TMEM178B: variants seen among roughly 807,000 people sequenced by gnomAD.
TMEM178B encodes transmembrane protein 178B.
A neutral mutation model predicts 31.0 loss-of-function variants in TMEM178B; 5 were observed. The ratio of observed to expected loss-of-function variants is 0.16; its 90% CI spans 0.08 to 0.34. The LOEUF is 0.34. TMEM178B is among the 10% of genes least tolerant of loss of function. TMEM178B has a pLI of 1.00. For synonymous variants in TMEM178B, 164 were observed against 164.0 expected (o/e 1.00, Z 0.00); for missense variants, 275 against 400.3 (o/e 0.69, Z 2.67).
At chr7:141,184,583 T>A (rs1796578654) in intron 1 of TMEM178B, among the ~76,000 whole-genome samples, 1 of 152,208 alleles carries the variant, frequency 6.6e-6, no homozygotes, top group African/African-American at 2.4e-5. Flanking sequence ...TTTCACCTAC[T>A]TGTGCTGCCT....
At chr7:141,302,541 T>C (rs1312445637) in intron 2 of TMEM178B, among the ~76,000 whole-genome samples, 3 of 152,088 alleles carry the variant, frequency 2.0e-5, no homozygotes, top group African/African-American at 7.2e-5. Context: ...GAGTTTCAGT[T>C]TGGGAAGATG....
At chr7:141,317,560 C>T (rs17490126) in intron 2 of TMEM178B, among the ~76,000 whole-genome samples, 25,701 of 152,124 alleles carry the variant, frequency 0.17, 2,510 homozygotes, top group Middle Eastern at 0.23. Flanking sequence ...ACTAGGAGGA[C>T]TTTTAAGGCC....
intron 1 of TMEM178B, among the ~76,000 whole-genome samples, chr7:141,154,726 G>A (rs1796037135): frequency 6.7e-6 from 1 of 150,254 alleles, no homozygotes; most frequent in Non-Finnish European, 1.5e-5. Context: ...CTGTTAACTT[G>A]TTAACTTTTT....
At chr7:141,228,377 ACTTT>A (rs1405037547) in intron 2 of TMEM178B, among the ~76,000 whole-genome samples, 1 of 151,750 alleles carries the variant, frequency 6.6e-6, no homozygotes, top group African/African-American at 2.4e-5. Context: ...TTTAAGATAG[ACTTT>A]CTTCTTTCTT....
Position 141,476,833 on chromosome 7 carries a change from G to C in TMEM178B, c.*6047G>C, listed in dbSNP as rs1327465835. On this transcript the variant is annotated 3_prime_UTR_variant, in exon 4 of 4. Transcript: ENST00000565468. ...GGGAAGGGAAGCCATTGCTCTCTCT[G>C]TAGATAGAGCCCAGCTGGTAACGGG... The C allele has an allele frequency of 1.3e-5, 2 of 154,838 alleles. No homozygotes were observed. The highest frequency in any genetic ancestry group is 4.8e-5 in the African/African-American group (2 of 41,530). 9.6% of individuals were successfully genotyped at this position (154,838 alleles called of 1,614,324 possible). A position where few individuals can be genotyped will look rare whatever the true frequency, so the allele number is the denominator to read the frequency against.
rs1044151810 is a variant in TMEM178B, at chr7:141,150,324, C to G, written c.383-62267C>G. 1.3e-5 allele frequency among the ~76,000 whole-genome samples: 2 copies of G among 152,102 alleles called. 1 individual carries two copies. The highest frequency in any genetic ancestry group is 4.1e-4 in the South Asian group (2 of 4,822). On this transcript the variant is annotated intron_variant, in intron 1 of 3. Transcript: ENST00000565468. The stretch of plus-strand genomic sequence containing the variant: ...GGATATTCTTGACTTTTTGTAGGTC[C>G]AAGTCAGGATGCAATTTTTCCCCCA...
At chr7:141,250,339 T>C (rs1454877499) in intron 2 of TMEM178B, among the ~76,000 whole-genome samples, 1 of 152,114 alleles carries the variant, frequency 6.6e-6, no homozygotes, top group African/African-American at 2.4e-5. Flanking sequence ...GATGAGAAAA[T>C]TGAAGTGCAG....
At chr7:141,108,353 G>A (rs1795179145) in intron 1 of TMEM178B, among the ~76,000 whole-genome samples, 1 of 152,202 alleles carries the variant, frequency 6.6e-6, no homozygotes, top group South Asian at 2.1e-4. Flanking sequence ...TTAGAGTGAT[G>A]TTATTGAATA....
At chr7:141,194,492 C>T (rs945526387) in intron 1 of TMEM178B, among the ~76,000 whole-genome samples, 2 of 152,216 alleles carry the variant, frequency 1.3e-5, no homozygotes, top group Non-Finnish European at 2.9e-5. Flanking sequence ...CCATGTCTCA[C>T]ATCCAGGTCA....
chr7:141,497,653 T>C, the TMEM178B span, among the ~76,000 whole-genome samples: 2 of 152,202 alleles, frequency 1.3e-5, no homozygotes, highest in Admixed American at 1.3e-4. Flanking sequence ...CTCTCTTGTC[T>C]TCGTGTTACA....
intron 1 of TMEM178B, among the ~76,000 whole-genome samples, chr7:141,110,431 C>G (rs1200427429): frequency 6.6e-6 from 1 of 152,236 alleles, no homozygotes; most frequent in East Asian, 1.9e-4. Context: ...TGAAGCACCA[C>G]ATTAATGTAT....
intron 1 of TMEM178B, among the ~76,000 whole-genome samples, chr7:141,083,885 T>G (rs1167154792): frequency 3.6e-3 from 3 of 822 alleles, no homozygotes; most frequent in Non-Finnish European, 5.2e-3. Flanking sequence ...TCAGCAGAAT[T>G]TTTTTTTTTT....
chr7:141,205,040 C>T (rs1296845196), intron 1 of TMEM178B, among the ~76,000 whole-genome samples: 3 of 151,942 alleles, frequency 2.0e-5, no homozygotes, highest in East Asian at 1.9e-4. Flanking sequence ...TGCCCAGGTT[C>T]GTCTTGAACT....
intron 1 of TMEM178B, among the ~76,000 whole-genome samples, chr7:141,203,947 G>A (rs1796920610): frequency 6.6e-6 from 1 of 152,216 alleles, no homozygotes. Flanking sequence ...GTAGATGGGT[G>A]AATACCAAGA....
intron 2 of TMEM178B, among the ~76,000 whole-genome samples, chr7:141,376,717 C>T (rs1800221613): frequency 6.6e-6 from 1 of 152,148 alleles, no homozygotes; most frequent in African/African-American, 2.4e-5. Flanking sequence ...ACCACCATTA[C>T]TTTTGCACCA....
chr7:141,255,607 A>T (rs1162701438), intron 2 of TMEM178B, among the ~76,000 whole-genome samples: 2 of 151,960 alleles, frequency 1.3e-5, no homozygotes, highest in Admixed American at 1.3e-4. Flanking sequence ...TATAAAAATT[A>T]AGTTCAATGA....
At chr7:141,080,358 C>T (rs1411977292) in intron 1 of TMEM178B, among the ~76,000 whole-genome samples, 1 of 152,124 alleles carries the variant, frequency 6.6e-6, no homozygotes, top group African/African-American at 2.4e-5. Flanking sequence ...CGGTGGCGCA[C>T]GCCTGTAATC....
At chr7:141,123,591 A>T (rs1795442711) in intron 1 of TMEM178B, among the ~76,000 whole-genome samples, 1 of 152,324 alleles carries the variant, frequency 6.6e-6, no homozygotes, top group East Asian at 1.9e-4. Context: ...GAACTCAGGC[A>T]GACCTTGACC....
chr7:141,265,749 G>A (rs932648979), intron 2 of TMEM178B, among the ~76,000 whole-genome samples: 1 of 152,206 alleles, frequency 6.6e-6, no homozygotes, highest in Admixed American at 6.5e-5. Context: ...AGGCTCCCAA[G>A]TACTTTCAAA....
Sources: allele counts gnomAD v4.1 joint callset (sites outside exome capture counted in the v4.1 genomes callset), GRCh38; gene constraint gnomAD v4.1.1; transcripts MANE v1.5; gene names NCBI Gene and HGNC (gene_info 2026-07-23, HGNC 2026-07-21).